The following GPHN variants were observed in gnomAD, a reference collection of about 807,000 sequenced individuals.
GPHN encodes the protein gephyrin.
GPHN carries 17 observed loss-of-function variants against 95.5 expected under a neutral mutation model. That is an observed-to-expected ratio of 0.18 (90% CI 0.12 to 0.27). The LOEUF (loss-of-function observed/expected upper bound fraction) is 0.27, where lower values mean the gene tolerates loss of function less well. Among genes scored for constraint, GPHN ranks in the 10% least tolerant of loss-of-function variants. The probability of loss-of-function intolerance (pLI) is 1.00; values close to 1 mark genes in which losing one functional copy is unlikely to be tolerated. For synonymous variants in GPHN, 320 were observed against 322.5 expected (o/e 0.99, Z 0.08); for missense variants, 660 against 978.1 (o/e 0.67, Z 4.34).
the GPHN span, among the ~76,000 whole-genome samples, chr14:67,719,659 G>A: frequency 2.0e-5 from 3 of 151,728 alleles, no homozygotes; most frequent in African/African-American, 7.3e-5. Flanking sequence ...TTTCCTTTTT[G>A]TAGAGACGGG....
chr14:67,391,547 G>T, the GPHN span, among the ~76,000 whole-genome samples: 1 of 152,168 alleles, frequency 6.6e-6, no homozygotes, highest in Non-Finnish European at 1.5e-5. Context: ...CAGGAAGCAG[G>T]TGACAGCAAC....
At chr14:66,586,303 C>G (rs1197116504) in intron 1 of GPHN, among the ~76,000 whole-genome samples, 1 of 152,108 alleles carries the variant, frequency 6.6e-6, no homozygotes, top group African/African-American at 2.4e-5. Context: ...GATGGATTTC[C>G]TGAATACAGC....
At chr14:67,008,044 C>G (rs181406017) in intron 9 of GPHN, among the ~76,000 whole-genome samples, 1 of 152,244 alleles carries the variant, frequency 6.6e-6, no homozygotes, top group Admixed American at 6.5e-5. Flanking sequence ...GGAAGTCATA[C>G]TGTGTATGTG....
At chr14:67,086,436 G>A (rs2153666346) in intron 11 of GPHN, among the ~76,000 whole-genome samples, 1 of 152,114 alleles carries the variant, frequency 6.6e-6, no homozygotes, top group African/African-American at 2.4e-5. Flanking sequence ...CAGATCACGA[G>A]GTCAGGAGAT....
chr14:66,840,736 C>CA (rs553788734), intron 4 of GPHN, among the ~76,000 whole-genome samples: 3,723 of 81,094 alleles, frequency 0.046, 75 homozygotes, highest in Middle Eastern at 0.1. Context: ...GCAGGCCATA[C>CA]AAAAAAAAAA....
chr14:67,473,784 A>AC, the GPHN span: 1 of 1,613,970 alleles, frequency 6.2e-7, no homozygotes, highest in Non-Finnish European at 8.5e-7. The surrounding 1 kb of genome is among the most constrained non-coding windows in gnomAD (Gnocchi z 6.5). Flanking sequence ...GAGGGCCCAC[A>AC]CGCTCGTGAC....
chr14:66,928,928 C>T (rs944849300), intron 8 of GPHN, among the ~76,000 whole-genome samples: 2 of 151,746 alleles, frequency 1.3e-5, no homozygotes, highest in African/African-American at 2.4e-5. Context: ...CCTAACATAT[C>T]GTCTGTCCTT....
intron 5 of GPHN, among the ~76,000 whole-genome samples, chr14:66,885,259 T>C (rs2064130336): frequency 6.6e-6 from 1 of 152,042 alleles, no homozygotes; most frequent in African/African-American, 2.4e-5. Context: ...TAGGAATCTG[T>C]TTCTCCACCT....
chr14:67,719,256 T>C, the GPHN span, among the ~76,000 whole-genome samples: 1 of 152,154 alleles, frequency 6.6e-6, no homozygotes, highest in Non-Finnish European at 1.5e-5. Context: ...GAAAACAATG[T>C]CCCTTTCAAT....
chr14:67,709,387 C>T, the GPHN span, among the ~76,000 whole-genome samples: 1 of 152,192 alleles, frequency 6.6e-6, no homozygotes, highest in Non-Finnish European at 1.5e-5. Flanking sequence ...CAATCTATAA[C>T]ATTTTAATCT....
chr14:67,479,675 G>A, the GPHN span, among the ~76,000 whole-genome samples: 34 of 151,618 alleles, frequency 2.2e-4, no homozygotes, highest in South Asian at 2.9e-3. Flanking sequence ...CCGAGATAGC[G>A]CCACTGCACT....
chr14:67,733,877 C>A, the GPHN span: 1 of 1,514,246 alleles, frequency 6.6e-7, no homozygotes, highest in Non-Finnish European at 9.2e-7. Context: ...CTTTATCAGG[C>A]CCAATCCATG....
chr14:67,023,754 A>G, intron 10 of GPHN, 79 bp downstream of exon 10: 2 of 1,184,108 alleles, frequency 1.7e-6, no homozygotes, highest in Non-Finnish European at 2.5e-6. Flanking sequence ...GAAAAAAAAG[A>G]AGAAAAGCAA....
the GPHN span, among the ~76,000 whole-genome samples, chr14:67,540,573 C>T: frequency 1.4e-4 from 21 of 150,960 alleles, no homozygotes; most frequent in Admixed American, 2.0e-4. Flanking sequence ...TTGTAGTGAG[C>T]CAAAATTGCA....
chr14:66,864,630 G>A (rs753773495), intron 4 of GPHN, among the ~76,000 whole-genome samples: 1 of 152,010 alleles, frequency 6.6e-6, no homozygotes, highest in Non-Finnish European at 1.5e-5. Context: ...AAAATTAACC[G>A]GGCATGGTGG....
At chr14:66,715,197 T>C (rs1032507883) in intron 2 of GPHN, among the ~76,000 whole-genome samples, 1 of 152,192 alleles carries the variant, frequency 6.6e-6, no homozygotes, top group South Asian at 2.1e-4. Context: ...TTTCCTGATT[T>C]AAGGTAGGAG....
At chr14:67,242,158 G>T in the GPHN span, among the ~76,000 whole-genome samples, 13 of 152,170 alleles carry the variant, frequency 8.5e-5, no homozygotes, top group Non-Finnish European at 1.6e-4. Context: ...TGCTTTAAAC[G>T]ATCTTTGTAG....
At chr14:67,508,112 G>A in the GPHN span, among the ~76,000 whole-genome samples, 6,648 of 146,540 alleles carry the variant, frequency 0.045, 171 homozygotes, top group East Asian at 0.15. Context: ...TCCAGCCTGG[G>A]CAGCAAGAGC....
the GPHN span, among the ~76,000 whole-genome samples, chr14:67,259,485 G>A: frequency 6.6e-6 from 1 of 152,006 alleles, no homozygotes; most frequent in Non-Finnish European, 1.5e-5. Flanking sequence ...AGTGTTGGGC[G>A]CCTGTAATCC....
Sources: gnomAD v4.1 joint callset for allele counts (sites outside exome capture counted in the v4.1 genomes callset) on GRCh38, gnomAD v4.1.1 for gene constraint, Gnocchi (gnomAD v3.1) non-coding constraint, MANE v1.5 for transcripts, NCBI Gene and HGNC (gene_info 2026-07-23, HGNC 2026-07-21) for gene names.